Variants in FRMD3 observed in about 807,000 individuals in gnomAD.
FRMD3 encodes the protein FERM domain containing 3, also known as FERM domain-containing protein 3.
FRMD3 carries 33 observed loss-of-function variants against 70.2 expected under a neutral mutation model. That is an observed-to-expected ratio of 0.47 (90% confidence interval 0.36 to 0.63). The LOEUF (loss-of-function observed/expected upper bound fraction) is 0.63, where lower values mean the gene tolerates loss of function less well. Among genes scored for constraint, FRMD3 ranks in the 20% least tolerant of loss-of-function variants. The probability of loss-of-function intolerance (pLI) is 0.00; values close to 1 mark genes in which losing one functional copy is unlikely to be tolerated. For synonymous variants in FRMD3, 279 were observed against 255.9 expected (o/e 1.09, Z -0.86); for missense variants, 632 against 711.4 (o/e 0.89, Z 1.27).
chr9:83,501,077 C>A (rs1414254509), intron 1 of FRMD3, among the ~76,000 whole-genome samples: 4 of 152,162 alleles, frequency 2.6e-5, no homozygotes, highest in Non-Finnish European at 5.9e-5. Context: ...AGTCAATAAA[C>A]AATTGTCTTC....
chr9:83,535,774 C>T (rs946977786), intron 1 of FRMD3, among the ~76,000 whole-genome samples: 8 of 152,240 alleles, frequency 5.3e-5, no homozygotes, highest in African/African-American at 1.7e-4. Context: ...GAGCTCCTAA[C>T]GCAGACAGGC....
intron 1 of FRMD3, 31 bp from the exon 2 acceptor site, chr9:83,389,739 A>C: frequency 4.0e-6 from 6 of 1,504,952 alleles, no homozygotes; most frequent in Non-Finnish European, 5.6e-6. Context: ...AGTCTCAGCC[A>C]GAGCTCACCT....
chr9:83,311,216 G>A lies in FRMD3; in HGVS notation c.774-668C>T, dbSNP rs116639068. 3.9e-3 allele frequency among the ~76,000 whole-genome samples: 585 copies of A among 151,654 alleles called. 2 individuals carry two copies. Among genetic ancestry groups the A allele is most frequent in the African/African-American group, 0.014 (558 of 41,316 alleles). ...GGGCATTGCCATGGGGAGATGTGCAGGCCAGTCCCGCACATGCCCATCTCA... is the reference window on the plus strand; with the variant it reads ...GGGCATTGCCATGGGGAGATGTGCAAGCCAGTCCCGCACATGCCCATCTCA... On this transcript the variant is annotated intron_variant, in intron 8 of 13. Transcript: ENST00000304195.
intron 1 of FRMD3, among the ~76,000 whole-genome samples, chr9:83,500,849 A>C (rs1224573462): frequency 6.6e-6 from 1 of 152,182 alleles, no homozygotes; most frequent in Non-Finnish European, 1.5e-5. Flanking sequence ...GCATTTTCTA[A>C]CTTACAGTTT....
intron 1 of FRMD3, among the ~76,000 whole-genome samples, chr9:83,475,882 G>T (rs1336889391): frequency 6.6e-6 from 1 of 152,154 alleles, no homozygotes; most frequent in Non-Finnish European, 1.5e-5. Context: ...TATCTAGCAA[G>T]AATACATGGA....
At chr9:83,305,669 G>A (rs1835101694) in intron 10 of FRMD3, among the ~76,000 whole-genome samples, 1 of 152,214 alleles carries the variant, frequency 6.6e-6, no homozygotes, top group South Asian at 2.1e-4. Context: ...CAGAACAAGT[G>A]ATACTTCCCC....
chr9:83,497,033 G>A (rs1367508410), intron 1 of FRMD3, among the ~76,000 whole-genome samples: 5 of 152,140 alleles, frequency 3.3e-5, no homozygotes, highest in African/African-American at 1.2e-4. Context: ...AGAATCACTC[G>A]AACCTGGGAG....
chr9:83,245,560 T>TTAAGA lies in FRMD3; in HGVS notation c.*2353_*2357dup. ...GTTAAAATAATATATTTATTACTCC[T>TTAAGA]TAAGATAAATCTGCATCGTTGGATT... is the stretch of plus-strand genomic sequence containing the variant. On this transcript the variant is annotated 3_prime_UTR_variant, in exon 14 of 14. Transcript: ENST00000304195. 1 of 906,052 alleles carries TTAAGA rather than the reference T, an allele frequency of 1.1e-6. No homozygotes were observed. Among genetic ancestry groups the TTAAGA allele is most frequent in the Non-Finnish European group, 1.3e-6 (1 of 757,680 alleles). 56.1% of individuals were successfully genotyped at this position (906,052 alleles called of 1,614,324 possible). A position where few individuals can be genotyped will look rare whatever the true frequency, so the allele number is the denominator to read the frequency against.
intron 1 of FRMD3, among the ~76,000 whole-genome samples, chr9:83,510,113 A>T (rs1363286596): frequency 6.6e-6 from 1 of 152,172 alleles, no homozygotes; most frequent in Non-Finnish European, 1.5e-5. Context: ...AGTGTCCCCC[A>T]GCCCCGCAGA....
chr9:83,541,166 C>T (rs2131573088), upstream of FRMD3, among the ~76,000 whole-genome samples: 1 of 152,306 alleles, frequency 6.6e-6, no homozygotes, highest in South Asian at 2.1e-4. Flanking sequence ...TCTGACTACT[C>T]TCACTCTTAA....
chr9:83,293,301 A>T (rs535617891), intron 12 of FRMD3, among the ~76,000 whole-genome samples: 9 of 152,236 alleles, frequency 5.9e-5, no homozygotes, highest in Admixed American at 5.9e-4. Flanking sequence ...CATGACTATG[A>T]TTCTAACTCT....
At chr9:83,550,635 T>C in the FRMD3 span, among the ~76,000 whole-genome samples, 2 of 152,128 alleles carry the variant, frequency 1.3e-5, no homozygotes, top group South Asian at 4.1e-4. Flanking sequence ...CAGTGTTTTG[T>C]AATTCTCATT....
At chr9:83,532,671 G>A (rs894818462) in intron 1 of FRMD3, among the ~76,000 whole-genome samples, 1 of 151,930 alleles carries the variant, frequency 6.6e-6, no homozygotes, top group Non-Finnish European at 1.5e-5. Context: ...CTTCCATAAT[G>A]GCAAAGCCAC....
At chr9:83,270,541 G>A (rs1320064184) in intron 13 of FRMD3, among the ~76,000 whole-genome samples, 2 of 152,214 alleles carry the variant, frequency 1.3e-5, no homozygotes, top group Non-Finnish European at 2.9e-5. Flanking sequence ...CATATCAAGT[G>A]CCTAACATAG....
At chr9:83,274,753 G>A (rs1833741279) in intron 13 of FRMD3, among the ~76,000 whole-genome samples, 1 of 152,224 alleles carries the variant, frequency 6.6e-6, no homozygotes, top group Non-Finnish European at 1.5e-5. Context: ...TCAATGGCCA[G>A]GTTCTAGAAA....
intron 13 of FRMD3, among the ~76,000 whole-genome samples, chr9:83,261,902 A>C (rs1833012737): frequency 1.3e-5 from 2 of 152,218 alleles, no homozygotes; most frequent in South Asian, 4.1e-4. Context: ...CCTCATCTGT[A>C]AAATGGGGAA....
At chr9:83,254,275 A>T (rs1484661506) in intron 13 of FRMD3, among the ~76,000 whole-genome samples, 1 of 152,138 alleles carries the variant, frequency 6.6e-6, no homozygotes, top group Non-Finnish European at 1.5e-5. Context: ...AATAAAAAAA[A>T]TAATAAAAGA....
intron 6 of FRMD3, among the ~76,000 whole-genome samples, chr9:83,328,414 C>A (rs1422532430): frequency 2.0e-5 from 3 of 152,200 alleles, no homozygotes; most frequent in Non-Finnish European, 2.9e-5. Context: ...AAACTACATA[C>A]ATCTGGGTCA....
intron 1 of FRMD3, among the ~76,000 whole-genome samples, chr9:83,447,505 C>CCTCT (rs1827514383): frequency 6.6e-6 from 1 of 152,194 alleles, no homozygotes. Flanking sequence ...AGGCTGGATG[C>CCTCT]GGGCCAGCCG....
Sources: gnomAD v4.1 joint callset for allele counts (sites outside exome capture counted in the v4.1 genomes callset) on GRCh38, gnomAD v4.1.1 for gene constraint, MANE v1.5 for transcripts, NCBI Gene and HGNC (gene_info 2026-07-23, HGNC 2026-07-21) for gene names.